HDAC8: variants seen among roughly 807,000 people sequenced by gnomAD.
The protein encoded by HDAC8 is histone deacetylase-like 1.
Under a neutral mutation model 32.2 loss-of-function variants are expected in HDAC8, and 1 was observed. The ratio of observed to expected loss-of-function variants is 0.03; its 90% confidence interval spans 0.01 to 0.15. The LOEUF (loss-of-function observed/expected upper bound fraction) is 0.15, where lower values mean the gene tolerates loss of function less well. Ranked by LOEUF, HDAC8 falls within the 10% of genes least tolerant of loss-of-function variation. The pLI is 1.00. For synonymous variants in HDAC8, 108 were observed against 113.9 expected, an observed-to-expected ratio of 0.95 and a Z score of 0.33; for missense variants, 117 against 300.0, an observed-to-expected ratio of 0.39 and a Z score of 4.51.
At chrX:72,332,755 G>A (rs955039852) in intron 10 of HDAC8, among the ~76,000 whole-genome samples, 4 of 110,652 alleles carry the variant, frequency 3.6e-5, no homozygotes, top group Non-Finnish European at 7.6e-5. Flanking sequence ...GGGTTCAAGC[G>A]ATTCTCCTAC....
chrX:72,355,879 T>C (rs1371064290), intron 9 of HDAC8, among the ~76,000 whole-genome samples: 1 of 112,253 alleles, frequency 8.9e-6, no homozygotes, highest in Non-Finnish European at 1.9e-5. Flanking sequence ...GTATCTACTA[T>C]GTGCCCAGCT....
chrX:72,393,192 G>A (rs1555964481), intron 9 of HDAC8, among the ~76,000 whole-genome samples: 1 of 111,971 alleles, frequency 8.9e-6, no homozygotes, highest in Non-Finnish European at 1.9e-5. Flanking sequence ...GGTAAGCAAA[G>A]TTTCTCAGTG....
chrX:72,521,343 C>A (rs979464973), intron 4 of HDAC8, among the ~76,000 whole-genome samples: 6 of 111,202 alleles, frequency 5.4e-5, no homozygotes, highest in Admixed American at 3.8e-4. Flanking sequence ...TAATCCATTT[C>A]CTTCAATCTT....
chrX:72,404,669 T>C (rs1483472895), intron 9 of HDAC8, among the ~76,000 whole-genome samples: 1 of 111,299 alleles, frequency 9.0e-6, no homozygotes, highest in Non-Finnish European at 1.9e-5. Context: ...GATGAAATTA[T>C]TTTCTCTGAG....
intron 9 of HDAC8, among the ~76,000 whole-genome samples, chrX:72,356,422 T>A (rs1391411667): frequency 8.9e-6 from 1 of 111,987 alleles, no homozygotes; most frequent in East Asian, 2.8e-4. Context: ...TGGGCCCTGC[T>A]AAGGCATTTG....
chrX:72,435,316 G>T (rs1489219611), intron 9 of HDAC8, among the ~76,000 whole-genome samples: 1 of 111,652 alleles, frequency 9.0e-6, no homozygotes, highest in African/African-American at 3.3e-5. Context: ...AGAGCACAGA[G>T]TTCAAGGTCA....
At chrX:72,435,622 TA>T (rs1555978919) in intron 9 of HDAC8, among the ~76,000 whole-genome samples, 1 of 109,890 alleles carries the variant, frequency 9.1e-6, no homozygotes, top group African/African-American at 3.3e-5. Flanking sequence ...ACAACCAAAA[TA>T]AAAAACTCAC....
chrX:72,445,265 C>T (rs1278818562), intron 9 of HDAC8, among the ~76,000 whole-genome samples: 1 of 110,231 alleles, frequency 9.1e-6, no homozygotes, highest in Non-Finnish European at 1.9e-5. Context: ...AGGCATCACG[C>T]TACCTGACTT....
At chrX:72,351,191 T>C (rs1421916739) in intron 10 of HDAC8, 13 of 187,049 alleles carry the variant, frequency 7.0e-5, no homozygotes, top group South Asian at 7.0e-5. Flanking sequence ...CCTCAACCTC[T>C]TGGGCTCAAG....
intron 7 of HDAC8, chrX:72,467,385 C>T (rs1310108562): frequency 9.0e-6 from 1 of 111,388 alleles, no homozygotes; most frequent in East Asian, 2.8e-4. Context: ...TTCTGTGAAT[C>T]TGTGATTATT....
At chrX:72,339,204 A>T in intron 10 of HDAC8, among the ~76,000 whole-genome samples, 1 of 111,283 alleles carries the variant, frequency 9.0e-6, no homozygotes, top group Non-Finnish European at 1.9e-5. Flanking sequence ...CCCCGCTCTC[A>T]TCCAGCTATC....
rs918350912 is a variant in HDAC8 at position 72,476,841 on chromosome X, G to C, written c.737+12092C>G. On this transcript the variant is annotated intron_variant, in intron 7 of 10. Coordinates refer to ENST00000373573, the MANE Select transcript of HDAC8 (RefSeq NM_018486.3). ...AATTCTTTCAGCCCACTAGGATACT[G>C]GTGAGTTCAGCACAGCACACCAGAG... Among the ~76,000 whole-genome samples, 6 of 111,594 alleles carry C rather than the reference G, an allele frequency of 5.4e-5. No individual in the cohort carries two copies. The Admixed American group carries it at 5.7e-4, about 11-fold the overall frequency.
intron 7 of HDAC8, among the ~76,000 whole-genome samples, chrX:72,470,687 G>T (rs1440591394): frequency 9.0e-6 from 1 of 111,404 alleles, no homozygotes; most frequent in African/African-American, 3.3e-5. Context: ...CTCTCTTAAA[G>T]GTAGAGAGAC....
At chrX:72,331,067 C>T (rs1444319702) in intron 10 of HDAC8, among the ~76,000 whole-genome samples, 2 of 105,471 alleles carry the variant, frequency 1.9e-5, no homozygotes, top group African/African-American at 6.9e-5. Flanking sequence ...CTGCCTCAGC[C>T]TCCCGAGTAA....
chrX:72,423,216 T>A (rs908569897), intron 9 of HDAC8, among the ~76,000 whole-genome samples: 8 of 111,798 alleles, frequency 7.2e-5, no homozygotes, highest in African/African-American at 2.6e-4. Flanking sequence ...CACTGAACTT[T>A]TATTTAATTT....
intron 7 of HDAC8, among the ~76,000 whole-genome samples, chrX:72,465,153 A>G (rs187713154): frequency 9.0e-6 from 1 of 111,671 alleles, no homozygotes; most frequent in Admixed American, 9.5e-5. Context: ...TTGGAGTTTA[A>G]TCACCTGGTT....
Position 72,381,401 on chromosome X carries a change from C to T in HDAC8, c.1006-29563G>A, listed in dbSNP as rs781814612. 2.7e-5 allele frequency among the ~76,000 whole-genome samples: 3 copies of T among 111,426 alleles called. No individual in the cohort carries two copies. In the East Asian group the frequency reaches 8.4e-4, roughly 31 times the overall value. On this transcript the variant is annotated intron_variant, in intron 9 of 10. Coordinates refer to ENST00000373573, the MANE Select transcript of HDAC8 (RefSeq NM_018486.3). ...TGCTGAGTTGAAGAGGACATGGTCT[C>T]TTCTTTCAGGGAACTCACAACTGCC...
At chrX:72,438,906 G>A (rs1303152828) in intron 9 of HDAC8, among the ~76,000 whole-genome samples, 2 of 111,896 alleles carry the variant, frequency 1.8e-5, no homozygotes, top group Non-Finnish European at 3.8e-5. Context: ...TATTATCCAG[G>A]AGAACTTCCC....
chrX:72,438,684 T>G (rs1446084033), intron 9 of HDAC8, among the ~76,000 whole-genome samples: 1 of 110,473 alleles, frequency 9.1e-6, no homozygotes, highest in Non-Finnish European at 1.9e-5. Context: ...TATCAATAGC[T>G]GAACGGATCA....
Sources: allele counts gnomAD v4.1 joint callset (sites outside exome capture counted in the v4.1 genomes callset), GRCh38; gene constraint gnomAD v4.1.1; transcripts MANE v1.5; gene names NCBI Gene and HGNC (gene_info 2026-07-23, HGNC 2026-07-21).